The following ANKRD1 variants were observed in gnomAD, a reference collection of about 807,000 sequenced individuals.
ANKRD1 encodes ankyrin repeat domain 1, also known as ankyrin repeat domain-containing protein 1.
A neutral mutation model predicts 40.1 loss-of-function variants in ANKRD1; 32 were observed. The ratio of observed to expected loss-of-function variants is 0.80; its 90% CI spans 0.60 to 1.07. The LOEUF (loss-of-function observed/expected upper bound fraction) is 1.07. ANKRD1 is among the 50% of genes least tolerant of loss of function. The probability of loss-of-function intolerance (pLI) is 0.00; values close to 1 mark genes in which losing one functional copy is unlikely to be tolerated. For synonymous variants in ANKRD1, 149 were observed against 141.2 expected, an observed-to-expected ratio of 1.06 and a Z score of -0.39; for missense variants, 359 against 386.0, an observed-to-expected ratio of 0.93 and a Z score of 0.59.
chr10:90,916,690 A>C (rs563263877), intron 5 of ANKRD1, among the ~76,000 whole-genome samples: 1 of 152,214 alleles, frequency 6.6e-6, no homozygotes, highest in Admixed American at 6.5e-5. Context: ...GGCAGAATAC[A>C]CAGTCAAACT....
intron 7 of ANKRD1, 70 bp downstream of exon 7, chr10:90,915,712 G>C: frequency 6.2e-7 from 1 of 1,610,006 alleles, no homozygotes. Context: ...GGGCACCCAG[G>C]CTTGGGGGAG....
chr10:90,914,628 A>T (rs1329979382), intron 8 of ANKRD1, among the ~76,000 whole-genome samples: 20 of 151,916 alleles, frequency 1.3e-4, no homozygotes, highest in Non-Finnish European at 7.4e-5. Flanking sequence ...ACCAAGCCAG[A>T]TTTGTTTTAA....
intron 2 of ANKRD1, among the ~76,000 whole-genome samples, chr10:90,919,820 T>C (rs939811711): frequency 2.6e-5 from 4 of 152,202 alleles, no homozygotes; most frequent in African/African-American, 7.2e-5. Flanking sequence ...TAGCAGACAG[T>C]TAAACAATGA....
chr10:90,914,223 A>G (rs991982804), intron 8 of ANKRD1, among the ~76,000 whole-genome samples: 4 of 152,186 alleles, frequency 2.6e-5, no homozygotes, highest in African/African-American at 9.7e-5. Flanking sequence ...GGAAACATCA[A>G]TCCATTGGGT....
chr10:90,920,419 G>A (rs752071122), intron 1 of ANKRD1, 71 bp from the exon 2 acceptor site: 118 of 1,572,086 alleles, frequency 7.5e-5, no homozygotes, highest in African/African-American at 4.0e-4. Context: ...AGACAATGCC[G>A]CAGGAGGCTC....
At chr10:90,913,971 T>C (rs1197469638) in intron 8 of ANKRD1, among the ~76,000 whole-genome samples, 1 of 152,142 alleles carries the variant, frequency 6.6e-6, no homozygotes, top group Non-Finnish European at 1.5e-5. Context: ...CAGCCACACA[T>C]TGAAGTCACT....
At chr10:90,916,868 T>C (rs1055313884) in intron 5 of ANKRD1, among the ~76,000 whole-genome samples, 5 of 152,148 alleles carry the variant, frequency 3.3e-5, no homozygotes, top group African/African-American at 4.8e-5. Context: ...TTCTGTGGGT[T>C]TTCTGCTCAT....
In ANKRD1 at chr10:90,920,225, G is replaced by T; in HGVS notation, c.151C>A (p.His51Asn). The T allele has an allele frequency of 6.2e-7, 1 of 1,614,016 alleles. No homozygotes were observed. Reference sequence around the variant, plus strand: ...TGTTGCTCCCCCAGGGTCACAGGGTGGGCTAGAAGTGTCTTCAGATCCTCC... The same window carrying T: ...TGTTGCTCCCCCAGGGTCACAGGGTTGGCTAGAAGTGTCTTCAGATCCTCC... ...KQEDLKTLLAHPVTLGEQQWK... is the reference protein window; with the variant it reads ...KQEDLKTLLANPVTLGEQQWK... The change falls in exon 2 of 9, where the codon CAC becomes AAC. Residue 51 changes from histidine to asparagine, a missense_variant. Physicochemically the swap from His to Asn is moderately conservative, Grantham distance 68. Coordinates refer to ENST00000371697, the MANE Select transcript of ANKRD1 (RefSeq NM_014391.3).
chr10:90,919,406 A>C (rs1847410394), intron 2 of ANKRD1, 138 bp from the exon 3 acceptor site: 1 of 700,652 alleles, frequency 1.4e-6, no homozygotes, highest in Non-Finnish European at 2.3e-6. Context: ...AATTATATAA[A>C]TCTTTGACTT....
intron 5 of ANKRD1, among the ~76,000 whole-genome samples, chr10:90,917,125 G>C (rs370709323): frequency 6.6e-6 from 1 of 151,920 alleles, no homozygotes; most frequent in Admixed American, 6.5e-5. Context: ...TTGATATCCC[G>C]TTGCCGCTTT....
At position 90,915,597 on chromosome 10, in the gene ANKRD1, A is replaced by T; in HGVS notation, c.795T>A (p.Tyr265Ter). ...ACATAATCAGGAGTCGGATCATCTT[A>T]TAGCGGTTCAGTCTCACCGCATCAT... The part of the protein sequence containing the change: ...PLHDAVRLNR[Y>*]KMIRLLIMYG... Residue 265 changes from tyrosine (Y) to a stop codon, truncating the protein, a stop_gained, in exon 8 of 9, where the codon TAT becomes TAA. Transcript: ENST00000371697. LOFTEE classifies it high-confidence loss of function. 1 of 1,614,062 alleles carries T rather than the reference A, an allele frequency of 6.2e-7. No homozygotes were observed. The highest frequency in any genetic ancestry group is 2.2e-5 in the East Asian group (1 of 44,850).
chr10:90,917,316 T>A (rs1273636957), intron 5 of ANKRD1, among the ~76,000 whole-genome samples: 1 of 152,186 alleles, frequency 6.6e-6, no homozygotes, highest in Non-Finnish European at 1.5e-5. Context: ...TAGCCCCAAA[T>A]CTCATTGGTA....
At chr10:90,916,310 T>C in intron 5 of ANKRD1, 41 bp from the exon 6 acceptor site, 1 of 1,477,518 alleles carries the variant, frequency 6.8e-7, no homozygotes, top group African/African-American at 1.4e-5. Context: ...AAGGAGAATG[T>C]GGTCTGGGGA....
At chr10:90,920,025 A>C in intron 2 of ANKRD1, 144 bp downstream of exon 2, 1 of 1,076,268 alleles carries the variant, frequency 9.3e-7, no homozygotes, top group Admixed American at 1.7e-5. Context: ...AACCTGTTCC[A>C]TACAAGTTGC....
chr10:90,915,155 G>C (rs1008507446), intron 8 of ANKRD1, among the ~76,000 whole-genome samples: 2 of 152,182 alleles, frequency 1.3e-5, no homozygotes, highest in African/African-American at 4.8e-5. Context: ...TGGAATTTTA[G>C]GACATTTTGG....
chr10:90,920,215 G>A lies in ANKRD1; in HGVS notation c.161C>T (p.Thr54Ile). 4 of 1,614,054 alleles carry A rather than the reference G, an allele frequency of 2.5e-6. No homozygotes were observed. Among genetic ancestry groups the A allele is most frequent in the African/African-American group, 1.3e-5 (1 of 75,014 alleles). ...DLKTLLAHPVTLGEQQWKSEK... is the reference protein window; with the variant it reads ...DLKTLLAHPVILGEQQWKSEK... Reference sequence around the variant, plus strand: ...GCTTTTCCACTGTTGCTCCCCCAGGGTCACAGGGTGGGCTAGAAGTGTCTT... The same window carrying A: ...GCTTTTCCACTGTTGCTCCCCCAGGATCACAGGGTGGGCTAGAAGTGTCTT... Residue 54 changes from threonine (T) to isoleucine (I), a missense_variant, in exon 2 of 9, where the codon ACC becomes ATC. Physicochemically the swap from Thr to Ile is moderately conservative, Grantham distance 89 (BLOSUM62 -1). Transcript: ENST00000371697.
At chr10:90,913,786 T>C (rs985194177) in intron 8 of ANKRD1, among the ~76,000 whole-genome samples, 1 of 152,166 alleles carries the variant, frequency 6.6e-6, no homozygotes, top group Non-Finnish European at 1.5e-5. Flanking sequence ...AAACAGAACT[T>C]AGATTTTTTT....
rs536585179 is a variant in ANKRD1, at chr10:90,912,664, C to A, written c.*202G>T. The A allele has an allele frequency of 1.5e-5, 8 of 538,384 alleles. No individual in the cohort carries two copies. In the African/African-American group the frequency reaches 1.5e-4, roughly 10 times the overall value. 33.4% of individuals were successfully genotyped at this position (538,384 alleles called of 1,614,324 possible). On this transcript the variant is annotated 3_prime_UTR_variant, in exon 9 of 9. Transcript: ENST00000371697. The stretch of plus-strand genomic sequence containing the variant: ...AGTAGCGTGGCAGTAAATAAATAAA[C>A]AGGAATACATAAAAATAAATAAGAG...
At chr10:90,920,470 C>G in intron 1 of ANKRD1, 122 bp from the exon 2 acceptor site, 2 of 1,033,292 alleles carry the variant, frequency 1.9e-6, no homozygotes, top group Non-Finnish European at 3.0e-6. Flanking sequence ...TTGAGCAGTG[C>G]ACTCTCAGAT....
Sources: allele counts gnomAD v4.1 joint callset (sites outside exome capture counted in the v4.1 genomes callset), GRCh38; gene constraint gnomAD v4.1.1; transcripts MANE v1.5; gene names NCBI Gene and HGNC (gene_info 2026-07-23, HGNC 2026-07-21).